The following KLF16 variants were observed in gnomAD, a reference collection of about 807,000 sequenced individuals.
KLF16 encodes Krueppel-like factor 16.
A neutral mutation model predicts 6.1 loss-of-function variants in KLF16; 6 were observed. The observed-to-expected ratio is 0.98, with a 90% CI of 0.54 to 1.93. The LOEUF is 1.93. Among genes scored for constraint, KLF16 ranks in the 30% most tolerant of loss-of-function variants. KLF16 has a pLI of 0.01. For synonymous variants in KLF16, 211 were observed against 176.5 expected (o/e 1.20, Z -1.55); for missense variants, 355 against 363.8 (o/e 0.98, Z 0.20).
chr19:1,867,457 C>T (rs2012205657), upstream of KLF16, among the ~76,000 whole-genome samples: 1 of 152,250 alleles, frequency 6.6e-6, no homozygotes, highest in African/African-American at 2.4e-5. Context: ...CGCCTGTGGT[C>T]CCAGCTCTTC....
rs932996419 is a variant in KLF16, at chr19:1,857,751, A to C, written c.458-2991T>G. On this transcript the variant is annotated intron_variant, in intron 1 of 1. Transcript: ENST00000250916. This position sits in a 1 kb window ranked among gnomAD's most constrained non-coding sequence, Gnocchi z 4.7. ...GGGTCGGGTCTGTAGGGGAGGGCAC[A>C]GGTGGGGAAGACCAGCCCCAGCCGC... Among the ~76,000 whole-genome samples, 1 of 152,012 alleles carries C rather than the reference A, an allele frequency of 6.6e-6. No homozygotes were observed. The highest frequency in any genetic ancestry group is 1.5e-5 in the Non-Finnish European group (1 of 67,960).
At chr19:1,859,812 G>A (rs1023399002) in intron 1 of KLF16, among the ~76,000 whole-genome samples, 6 of 152,290 alleles carry the variant, frequency 3.9e-5, no homozygotes, top group African/African-American at 9.6e-5. Flanking sequence ...ATACAACTGG[G>A]GGTGACCCTG....
intron 1 of KLF16, among the ~76,000 whole-genome samples, chr19:1,859,384 C>A (rs916099627): frequency 6.6e-6 from 1 of 152,114 alleles, no homozygotes; most frequent in African/African-American, 2.4e-5. Flanking sequence ...TAGACCAGCA[C>A]GCCTCGATCC....
At chr19:1,867,974 G>A (rs2012215172), upstream of KLF16, among the ~76,000 whole-genome samples, 1 of 151,560 alleles carries the variant, frequency 6.6e-6, no homozygotes, top group African/African-American at 2.4e-5. Context: ...GTGCGCGCAT[G>A]CACTGGAACT....
intron 1 of KLF16, 52 bp downstream of exon 1, chr19:1,862,989 A>T: frequency 9.1e-7 from 1 of 1,095,596 alleles, no homozygotes; most frequent in Non-Finnish European, 1.2e-6. Context: ...CTGGCGGGGG[A>T]GGGGTCTCAG....
chr19:1,855,941 T>C (rs2011940703), intron 1 of KLF16, among the ~76,000 whole-genome samples: 1 of 152,228 alleles, frequency 6.6e-6, no homozygotes, highest in Non-Finnish European at 1.5e-5. Flanking sequence ...TGGCACTGGT[T>C]GGAGCCCTGA....
chr19:1,868,484 TTTTTTTTTTTTTTTG>T (rs2012223926), upstream of KLF16, among the ~76,000 whole-genome samples: 2 of 82,822 alleles, frequency 2.4e-5, no homozygotes, highest in Non-Finnish European at 6.4e-5. Flanking sequence ...TTTTTTTTTT[TTTTTTTTTTTTTTTG>T]AGACAGAGTC....
chr19:1,863,588 C>CGAA (rs1555831329), upstream of KLF16: 2 of 447,478 alleles, frequency 4.5e-6, no homozygotes, highest in Non-Finnish European at 5.8e-6. Flanking sequence ...GTGCGGGAGG[C>CGAA]GGAGGAGGAG....
the KLF16 span, among the ~76,000 whole-genome samples, chr19:1,871,844 T>C: frequency 6.6e-6 from 1 of 152,010 alleles, no homozygotes; most frequent in Admixed American, 6.5e-5. Context: ...GTCCACGGCA[T>C]CCATGCTAGG....
At chr19:1,865,710 G>C (rs975711960), upstream of KLF16, among the ~76,000 whole-genome samples, 2 of 152,146 alleles carry the variant, frequency 1.3e-5, no homozygotes, top group African/African-American at 4.8e-5. Flanking sequence ...GGAGACCCCA[G>C]GTGAGGGCAC....
At position 1,854,708 on chromosome 19, in the gene KLF16, G is replaced by T; in HGVS notation, c.510C>A (p.Arg170=). The T allele has an allele frequency of 6.3e-7, 1 of 1,599,522 alleles. No homozygotes were observed. Among genetic ancestry groups the T allele is most frequent in the Non-Finnish European group, 8.5e-7 (1 of 1,179,502 alleles). ...GGTGGTGGCGGGCCAGCTCGTCGGA[G>T]CGGGCGAACTTCTTGTCGCAGCCCT... ...DWQGCDKKFA[R]SDELARHHRT... is the part of the protein sequence containing the mutation. Residue 170 remains arginine (R), a synonymous_variant, in exon 2 of 2, where the codon CGC becomes CGA. Transcript: ENST00000250916.
rs1555830620 is a variant in KLF16 at position 1,856,956 on chromosome 19, G to GGGGGGA, written c.458-2197_458-2196insTCCCCC. Among the ~76,000 whole-genome samples, 138 of 56,982 alleles carry GGGGGGA rather than the reference G, an allele frequency of 2.4e-3. 24 individuals are homozygous for GGGGGGA. In the East Asian group the frequency reaches 0.045, roughly 18 times the overall value. 37.4% of individuals were successfully genotyped at this position (56,982 alleles called of 152,430 possible). The stretch of plus-strand genomic sequence containing the variant: ...GCAAGGAGGAGCAGGTTGCCGGGGT[G>GGGGGGA]GGGGGGGCGACCGGGGCAGGGGCGC... On this transcript the variant is annotated intron_variant, in intron 1 of 1. Coordinates refer to ENST00000250916, the MANE Select transcript of KLF16 (RefSeq NM_031918.4).
chr19:1,858,899 C>T (rs2012007172), intron 1 of KLF16, among the ~76,000 whole-genome samples: 1 of 152,062 alleles, frequency 6.6e-6, no homozygotes, highest in South Asian at 2.1e-4. Flanking sequence ...GTGCCTCCTC[C>T]CCACCGATCT....
At chr19:1,856,140 G>A (rs755954816) in intron 1 of KLF16, among the ~76,000 whole-genome samples, 1 of 152,196 alleles carries the variant, frequency 6.6e-6, no homozygotes, top group African/African-American at 2.4e-5. Flanking sequence ...GCCAGCCAGG[G>A]GCCTAGAAGG....
At chr19:1,862,750 G>A (rs1276453755) in intron 1 of KLF16, 12 of 365,878 alleles carry the variant, frequency 3.3e-5, no homozygotes, top group Admixed American at 1.4e-4. Context: ...GCCCAGAAAG[G>A]GAGAGAGGTG....
upstream of KLF16, among the ~76,000 whole-genome samples, chr19:1,867,965 T>C (rs902290631): frequency 1.3e-5 from 2 of 148,792 alleles, no homozygotes; most frequent in African/African-American, 2.5e-5. Flanking sequence ...TGTGTGTGCG[T>C]GCGCGCATGC....
At position 1,852,765 on chromosome 19, in the gene KLF16, G is replaced by C. The variant is rs934195436; in HGVS notation, c.*1694C>G. The C allele has an allele frequency of 6.6e-6, 1 of 152,040 alleles. No individual in the cohort carries two copies. Among genetic ancestry groups the C allele is most frequent in the Non-Finnish European group, 1.5e-5 (1 of 68,088 alleles). The allele number at this position is 152,040 out of a possible 1,614,324, so 9.4% of individuals were successfully genotyped here. On this transcript the variant is annotated 3_prime_UTR_variant, in exon 2 of 2. Coordinates refer to ENST00000250916, the MANE Select transcript of KLF16 (RefSeq NM_031918.4). ...GCATCTCACTAGCGCTGCCAGAAGA[G>C]GGTTTGAGGCTAGGGACAGAGAACA...
Position 1,859,954 on chromosome 19 carries a change from C to T in KLF16, c.457+3087G>A, listed in dbSNP as rs183008718. Among the ~76,000 whole-genome samples, 60 of 152,084 alleles carry T rather than the reference C, an allele frequency of 3.9e-4. 1 individual carries two copies. Among genetic ancestry groups the T allele is most frequent in the Non-Finnish European group, 7.4e-4 (50 of 67,958 alleles). Reference sequence around the variant, plus strand: ...AACCCCCTGCAGTGCCCAGGACAGCCCCTCCCCAGAAAACGATCAGGCCCC... The same window carrying T: ...AACCCCCTGCAGTGCCCAGGACAGCTCCTCCCCAGAAAACGATCAGGCCCC... On this transcript the variant is annotated intron_variant, in intron 1 of 1. Transcript: ENST00000250916.
At chr19:1,864,146 GC>G, upstream of KLF16, among the ~76,000 whole-genome samples, 1 of 148,804 alleles carries the variant, frequency 6.7e-6, no homozygotes, top group South Asian at 2.1e-4. Flanking sequence ...GCGGGAGCCC[GC>G]CCCCTCCCCG....
Sources: gnomAD v4.1 joint callset for allele counts (sites outside exome capture counted in the v4.1 genomes callset) on GRCh38, gnomAD v4.1.1 for gene constraint, Gnocchi (gnomAD v3.1) non-coding constraint, MANE v1.5 for transcripts, NCBI Gene and HGNC (gene_info 2026-07-23, HGNC 2026-07-21) for gene names.